The following LRRC7 variants were observed in gnomAD, a reference collection of about 807,000 sequenced individuals.
LRRC7 encodes leucine-rich repeat-containing protein 7.
Under a neutral mutation model 175.7 loss-of-function variants are expected in LRRC7, and 23 were observed. The ratio of observed to expected loss-of-function variants is 0.13; its 90% CI spans 0.09 to 0.19. The LOEUF is 0.19. Among genes scored for constraint, LRRC7 ranks in the 10% least tolerant of loss-of-function variants. LRRC7 has a pLI of 1.00. For synonymous variants in LRRC7, 685 were observed against 680.9 expected, an observed-to-expected ratio of 1.01 and a Z score of -0.09; for missense variants, 1,354 against 1,904.7, an observed-to-expected ratio of 0.71 and a Z score of 5.38.
At chr1:70,021,694 AT>A (rs779895578) in intron 16 of LRRC7, among the ~76,000 whole-genome samples, 1 of 151,980 alleles carries the variant, frequency 6.6e-6, no homozygotes, top group Non-Finnish European at 1.5e-5. Flanking sequence ...CATAACTTCA[AT>A]TTTTTTTACC....
In LRRC7 at chr1:70,081,926, A is replaced by G. The variant is rs557465077; in HGVS notation, c.4452+5628A>G. On this transcript the variant is annotated intron_variant, in intron 24 of 26. Coordinates refer to ENST00000651989, the MANE Select transcript of LRRC7 (RefSeq NM_001370785.2). ...GCTCACATTAGAATCAGCCTCAGAG[A>G]GTTATAAAAAATGATATGCATCCAT... 2.4e-3 allele frequency among the ~76,000 whole-genome samples: 361 copies of G among 152,322 alleles called. 1 individual carries two copies. Among genetic ancestry groups the G allele is most frequent in the Non-Finnish European group, 3.9e-3 (262 of 68,014 alleles).
chr1:69,912,469 A>T (rs995655066), intron 7 of LRRC7, among the ~76,000 whole-genome samples: 12 of 152,210 alleles, frequency 7.9e-5, no homozygotes, highest in African/African-American at 2.9e-4. Flanking sequence ...GCATATTAGT[A>T]ACTGATTATG....
chr1:69,850,465 T>G (rs1490938068), intron 7 of LRRC7, among the ~76,000 whole-genome samples: 1 of 152,118 alleles, frequency 6.6e-6, no homozygotes, highest in Non-Finnish European at 1.5e-5. Context: ...ACAGTCTGAC[T>G]TCTCTAGAGA....
intron 7 of LRRC7, among the ~76,000 whole-genome samples, chr1:69,924,086 C>A (rs938918182): frequency 1.3e-5 from 2 of 152,222 alleles, no homozygotes; most frequent in African/African-American, 4.8e-5. Context: ...TTGTTTTTCT[C>A]AGGTTTGTCA....
At chr1:69,590,202 A>G (rs1427453205) in intron 1 of LRRC7, among the ~76,000 whole-genome samples, 4 of 152,318 alleles carry the variant, frequency 2.6e-5, no homozygotes, top group East Asian at 3.9e-4. Flanking sequence ...TCCCCAAAAT[A>G]TAGGTAACAA....
chr1:69,698,461 A>G (rs753814858), intron 2 of LRRC7, among the ~76,000 whole-genome samples: 10 of 152,236 alleles, frequency 6.6e-5, no homozygotes, highest in Non-Finnish European at 1.5e-4. Flanking sequence ...GCTCTCGCCA[A>G]AGCTACAATT....
At chr1:69,715,413 A>G (rs1665229878) in intron 2 of LRRC7, among the ~76,000 whole-genome samples, 1 of 152,118 alleles carries the variant, frequency 6.6e-6, no homozygotes, top group Non-Finnish European at 1.5e-5. Flanking sequence ...TATTTCCCAT[A>G]TCAACCATGG....
chr1:70,099,762 T>C (rs1383042831), intron 25 of LRRC7, among the ~76,000 whole-genome samples: 1 of 152,120 alleles, frequency 6.6e-6, no homozygotes, highest in African/African-American at 2.4e-5. Context: ...ATTTTTACTA[T>C]TTTATGTTAT....
intron 7 of LRRC7, among the ~76,000 whole-genome samples, chr1:69,907,469 A>G (rs1646357800): frequency 6.6e-6 from 1 of 152,094 alleles, no homozygotes; most frequent in Non-Finnish European, 1.5e-5. Flanking sequence ...TTTTAGCATG[A>G]AGGGTTGTTG....
At chr1:69,947,448 CATAA>C (rs1181972585) in intron 8 of LRRC7, among the ~76,000 whole-genome samples, 1 of 151,628 alleles carries the variant, frequency 6.6e-6, no homozygotes, top group Non-Finnish European at 1.5e-5. Context: ...TTGGGCTTAC[CATAA>C]GGTGCTTATA....
At chr1:70,113,431 CTT>C (rs751367847) in intron 26 of LRRC7, among the ~76,000 whole-genome samples, 1 of 152,128 alleles carries the variant, frequency 6.6e-6, no homozygotes, top group East Asian at 1.9e-4. Context: ...ACCTGGGAGT[CTT>C]TTATCTAGTT....
chr1:69,748,369 C>A (rs139013928), intron 2 of LRRC7, among the ~76,000 whole-genome samples: 18 of 152,216 alleles, frequency 1.2e-4, no homozygotes, highest in Admixed American at 2.6e-4. Context: ...AACATTGCGT[C>A]TCATCACAAA....
At chr1:69,779,828 GTTCCCT>G (rs974206374) in intron 3 of LRRC7, among the ~76,000 whole-genome samples, 1 of 152,216 alleles carries the variant, frequency 6.6e-6, no homozygotes, top group Admixed American at 6.5e-5. Flanking sequence ...GACTATAATT[GTTCCCT>G]TTTCCTGTAG....
intron 2 of LRRC7, among the ~76,000 whole-genome samples, chr1:69,746,751 T>A (rs911765281): frequency 1.2e-4 from 18 of 151,906 alleles, no homozygotes; most frequent in African/African-American, 4.4e-4. Flanking sequence ...TATGCCAGAG[T>A]TGGGCCCTAG....
intron 1 of LRRC7, among the ~76,000 whole-genome samples, chr1:69,592,519 T>G (rs914697004): frequency 5.3e-5 from 8 of 152,094 alleles, no homozygotes; most frequent in Admixed American, 6.5e-5. Flanking sequence ...CAAACACTAT[T>G]GTAAATGTTC....
rs1351095321 is a variant in LRRC7, at chr1:70,137,661, A to G, written c.*15774A>G. Among the ~76,000 whole-genome samples, 1 of 152,264 alleles carries G rather than the reference A, an allele frequency of 6.6e-6. No homozygotes were observed. Among genetic ancestry groups the G allele is most frequent in the Non-Finnish European group, 1.5e-5 (1 of 68,052 alleles). ...AAATTTTCTAGGAAGTATAAAAACT[A>G]AAGAATGCCTGGAACTATGCAGACA... On this transcript the variant is annotated 3_prime_UTR_variant, in exon 27 of 27. Coordinates refer to ENST00000651989, the MANE Select transcript of LRRC7 (RefSeq NM_001370785.2).
At chr1:69,718,139 A>AG (rs1665890470) in intron 2 of LRRC7, among the ~76,000 whole-genome samples, 1 of 8,390 alleles carries the variant, frequency 1.2e-4, no homozygotes, top group Admixed American at 1.2e-3. Context: ...AGAAAGAAAG[A>AG]GAGAGAAAGA....
chr1:69,824,193 T>A (rs1018573056), intron 4 of LRRC7, among the ~76,000 whole-genome samples: 1 of 152,082 alleles, frequency 6.6e-6, no homozygotes, highest in Non-Finnish European at 1.5e-5. Flanking sequence ...TAAGGCATCA[T>A]GTATAGCAGC....
At chr1:69,830,373 C>T (rs1355748917) in intron 5 of LRRC7, among the ~76,000 whole-genome samples, 1 of 151,760 alleles carries the variant, frequency 6.6e-6, no homozygotes, top group African/African-American at 2.4e-5. Context: ...TTAACTCTCA[C>T]AAATGTCCTA....
Sources: allele counts gnomAD v4.1 joint callset (sites outside exome capture counted in the v4.1 genomes callset), GRCh38; gene constraint gnomAD v4.1.1; transcripts MANE v1.5; gene names NCBI Gene and HGNC (gene_info 2026-07-23, HGNC 2026-07-21).